HIBCH: variants seen among roughly 807,000 people sequenced by gnomAD.
The protein encoded by HIBCH is 3-hydroxyisobutyryl-CoA hydrolase, mitochondrial.
A neutral mutation model predicts 58.2 loss-of-function variants in HIBCH; 50 were observed. That is an observed-to-expected ratio of 0.86 (90% CI 0.68 to 1.09). The LOEUF (loss-of-function observed/expected upper bound fraction) is 1.09. Ranked by LOEUF, HIBCH falls within the 50% of genes least tolerant of loss-of-function variation. The pLI is 0.00. For synonymous variants in HIBCH, 151 were observed against 146.9 expected (o/e 1.03, Z -0.20); for missense variants, 450 against 449.7 (o/e 1.00, Z -0.01).
At chr2:190,259,319 A>AT (rs1356514373) in intron 7 of HIBCH, among the ~76,000 whole-genome samples, 6 of 122,116 alleles carry the variant, frequency 4.9e-5, no homozygotes, top group Non-Finnish European at 6.7e-5. Flanking sequence ...CAGTATACAG[A>AT]TGTGTGTGTG....
intron 11 of HIBCH, among the ~76,000 whole-genome samples, chr2:190,218,305 A>C (rs1685618426): frequency 6.6e-6 from 1 of 152,188 alleles, no homozygotes; most frequent in Non-Finnish European, 1.5e-5. Flanking sequence ...CCAACCGTTA[A>C]AAAATAAAAT....
intron 5 of HIBCH, among the ~76,000 whole-genome samples, chr2:190,288,997 G>C (rs1687899324): frequency 6.6e-6 from 1 of 152,102 alleles, no homozygotes; most frequent in Admixed American, 6.6e-5. Flanking sequence ...TGTAATCCCA[G>C]CTACTCAGGT....
At chr2:190,311,497 T>C (rs291444) in intron 1 of HIBCH, among the ~76,000 whole-genome samples, 84,711 of 152,046 alleles carry the variant, frequency 0.56, 24,336 homozygotes, top group South Asian at 0.61. Context: ...CAAACAGCAT[T>C]CTCAGACACT....
intron 4 of HIBCH, among the ~76,000 whole-genome samples, chr2:190,291,140 G>A (rs562717021): frequency 2.0e-5 from 3 of 152,162 alleles, no homozygotes; most frequent in South Asian, 2.1e-4. Flanking sequence ...TGTATTATAC[G>A]TGTGTGTATA....
intron 6 of HIBCH, among the ~76,000 whole-genome samples, chr2:190,277,894 GC>G (rs1398400876): frequency 6.6e-6 from 1 of 152,174 alleles, no homozygotes. Context: ...TTCTGGTTCT[GC>G]ATGCTGCCAG....
chr2:190,257,299 A>G (rs1686953412), intron 7 of HIBCH, among the ~76,000 whole-genome samples: 1 of 152,212 alleles, frequency 6.6e-6, no homozygotes, highest in South Asian at 2.1e-4. Flanking sequence ...TAAAAACCAG[A>G]GTAGAATCGA....
At chr2:190,310,455 T>C (rs1688528466) in intron 2 of HIBCH, among the ~76,000 whole-genome samples, 1 of 152,234 alleles carries the variant, frequency 6.6e-6, no homozygotes, top group Non-Finnish European at 1.5e-5. Flanking sequence ...ATATTATTAT[T>C]ATTCTCACTT....
intron 1 of HIBCH, among the ~76,000 whole-genome samples, chr2:190,314,706 C>G (rs967873375): frequency 4.6e-5 from 7 of 152,016 alleles, no homozygotes; most frequent in Non-Finnish European, 1.5e-5. Context: ...CTTGAACTCC[C>G]AACCTCAGGT....
In HIBCH at chr2:190,206,789, C is replaced by A. The variant is rs1388297103; in HGVS notation, c.1046-1557G>T. Among the ~76,000 whole-genome samples, 1 of 152,142 alleles carries A rather than the reference C, an allele frequency of 6.6e-6. No homozygotes were observed. Among genetic ancestry groups the A allele is most frequent in the Non-Finnish European group, 1.5e-5 (1 of 68,020 alleles). ...CAACAGTTTTCAATCTCAGAACAGA[C>A]GCTGCTTTCTGAAAGAGGCGGCAAT... On this transcript the variant is annotated intron_variant, in intron 13 of 13. Transcript: ENST00000359678. The surrounding 1 kb of genome is among the most constrained non-coding windows in gnomAD (Gnocchi z 5.1).
intron 6 of HIBCH, among the ~76,000 whole-genome samples, chr2:190,268,837 G>T (rs1240264685): frequency 6.6e-6 from 1 of 152,018 alleles, no homozygotes; most frequent in Admixed American, 6.6e-5. Flanking sequence ...TAATTATAAA[G>T]ATATTTAAAG....
At position 190,197,568 on chromosome 2, in the gene HIBCH, G is replaced by A. The variant is rs1690038838; in HGVS notation, c.*17+7532C>T. On this transcript the variant is annotated intron_variant, in intron 1 of 1. Coordinates refer to the HIBCH transcript ENST00000399855. This position sits in a 1 kb window ranked among gnomAD's most constrained non-coding sequence, Gnocchi z 4.0. ...CCCTAACCTCTGTTGCATCAGAGTTGCCACTCTCTGACTCTCCTGGGGCTC... is the reference window on the plus strand; with the variant it reads ...CCCTAACCTCTGTTGCATCAGAGTTACCACTCTCTGACTCTCCTGGGGCTC... Among the ~76,000 whole-genome samples the A allele has an allele frequency of 6.6e-6, 1 of 152,096 alleles. No homozygotes were observed. Among genetic ancestry groups the A allele is most frequent in the African/African-American group, 2.4e-5 (1 of 41,410 alleles).
intron 1 of HIBCH, among the ~76,000 whole-genome samples, chr2:190,318,934 A>C (rs1198105113): frequency 3.9e-5 from 6 of 152,248 alleles, no homozygotes; most frequent in African/African-American, 1.4e-4. Flanking sequence ...TCTTAAGTCA[A>C]GGAAACACCT....
chr2:190,197,885 TTTTA>T lies in HIBCH; in HGVS notation c.*17+7211_*17+7214del, dbSNP rs1444922878. Among the ~76,000 whole-genome samples the T allele has an allele frequency of 2.0e-5, 3 of 152,206 alleles. No individual in the cohort carries two copies. Among genetic ancestry groups the T allele is most frequent in the Non-Finnish European group, 4.4e-5 (3 of 68,034 alleles). ...TCCACTGATGGTTCCACTCACAGCCTTTTATTTATCTGACACTCATTGAGTTCTC... is the reference window on the plus strand; with the variant it reads ...TCCACTGATGGTTCCACTCACAGCCTTTTATCTGACACTCATTGAGTTCTC... On this transcript the variant is annotated intron_variant, in intron 1 of 1. Coordinates refer to the HIBCH transcript ENST00000399855. The surrounding 1 kb of genome is among the most constrained non-coding windows in gnomAD (Gnocchi z 4.0).
chr2:190,245,230 C>T (rs1218846437), intron 10 of HIBCH: 1 of 395,472 alleles, frequency 2.5e-6, no homozygotes, highest in Non-Finnish European at 4.7e-6. Flanking sequence ...AACAATTCAA[C>T]AATGAAAAAT....
At chr2:190,310,672 C>T (rs1264670021) in intron 2 of HIBCH, 82 bp downstream of exon 2, 4 of 1,114,782 alleles carry the variant, frequency 3.6e-6, no homozygotes, top group Non-Finnish European at 5.5e-6. Flanking sequence ...ATCTGCCATA[C>T]CAGTATTTCT....
rs542993313 is a variant in HIBCH at position 190,230,017 on chromosome 2, T to C, written c.891+14870A>G. Reference sequence around the variant, plus strand: ...TGTAATGAAATCTCTCATATATGCCTGCTCACAATCTTCTGAATACCTTCT... The same window carrying C: ...TGTAATGAAATCTCTCATATATGCCCGCTCACAATCTTCTGAATACCTTCT... On this transcript the variant is annotated intron_variant, in intron 11 of 13. Coordinates refer to ENST00000359678, the MANE Select transcript of HIBCH (RefSeq NM_014362.4). Among the ~76,000 whole-genome samples, 25 of 152,342 alleles carry C rather than the reference T, an allele frequency of 1.6e-4. No individual in the cohort carries two copies. The South Asian group carries it at 1.7e-3, about 10-fold the overall frequency.
intron 2 of HIBCH, among the ~76,000 whole-genome samples, chr2:190,302,108 A>G (rs1418862143): frequency 7.4e-6 from 1 of 135,844 alleles, no homozygotes; most frequent in Non-Finnish European, 1.7e-5. Context: ...AAGAATCAGA[A>G]GATTCATAAA....
chr2:190,305,103 G>A (rs749234999), intron 2 of HIBCH, among the ~76,000 whole-genome samples: 16 of 152,040 alleles, frequency 1.1e-4, no homozygotes, highest in Non-Finnish European at 2.4e-4. Context: ...GGCAAAATGC[G>A]GTGGTTGAGG....
At chr2:190,286,368 G>A (rs1043856824) in intron 6 of HIBCH, among the ~76,000 whole-genome samples, 1 of 152,104 alleles carries the variant, frequency 6.6e-6, no homozygotes, top group Non-Finnish European at 1.5e-5. Context: ...GTGGGTCTTT[G>A]GGTCTTCTTT....
Sources: gnomAD v4.1 joint callset for allele counts (sites outside exome capture counted in the v4.1 genomes callset) on GRCh38, gnomAD v4.1.1 for gene constraint, Gnocchi (gnomAD v3.1) non-coding constraint, MANE v1.5 for transcripts, NCBI Gene and HGNC (gene_info 2026-07-23, HGNC 2026-07-21) for gene names.